The following INTS15 variants were observed in gnomAD, a reference collection of about 807,000 sequenced individuals.
INTS15 encodes integrator complex subunit 15.
At chr7:6,608,506 C>A in the INTS15 span, 1 of 1,179,734 alleles carries the variant, frequency 8.5e-7, no homozygotes, top group Non-Finnish European at 1.1e-6. Context: ...GTGTGTCTGG[C>A]CTCTTTCCTC....
chr7:6,592,576 A>G, the INTS15 span, among the ~76,000 whole-genome samples: 3 of 151,184 alleles, frequency 2.0e-5, no homozygotes, highest in African/African-American at 7.3e-5. Context: ...CAAAAAAAAA[A>G]CTTTTTTTTT....
At chr7:6,593,998 T>A in the INTS15 span, among the ~76,000 whole-genome samples, 71 of 124,090 alleles carry the variant, frequency 5.7e-4, no homozygotes, top group East Asian at 0.012. Flanking sequence ...TGTAAGCCTT[T>A]AACTTTTTTT....
At chr7:6,594,191 A>G in the INTS15 span, among the ~76,000 whole-genome samples, 1 of 150,580 alleles carries the variant, frequency 6.6e-6, no homozygotes, top group African/African-American at 2.4e-5. Context: ...TATTTTTAGT[A>G]GAGACGAGTT....
At chr7:6,604,264 G>A in the INTS15 span, among the ~76,000 whole-genome samples, 1 of 152,104 alleles carries the variant, frequency 6.6e-6, no homozygotes, top group Non-Finnish European at 1.5e-5. Flanking sequence ...CACAAAAAAT[G>A]TTTCATACCG....
the INTS15 span, among the ~76,000 whole-genome samples, chr7:6,590,929 C>G: frequency 6.6e-6 from 1 of 151,636 alleles, no homozygotes; most frequent in Admixed American, 6.6e-5. Flanking sequence ...ACCTTGAACT[C>G]CTGGGCTCAA....
chr7:6,608,273 C>A, the INTS15 span: 3 of 1,473,058 alleles, frequency 2.0e-6, no homozygotes, highest in South Asian at 1.3e-5. Context: ...AGCCCCTCCC[C>A]GCCGGCAGAA....
the INTS15 span, among the ~76,000 whole-genome samples, chr7:6,604,427 A>G: frequency 6.6e-6 from 1 of 152,318 alleles, no homozygotes; most frequent in East Asian, 1.9e-4. Flanking sequence ...GATAGTGGAA[A>G]GCAGAACCCC....
chr7:6,590,855 T>C, the INTS15 span, among the ~76,000 whole-genome samples: 4 of 152,198 alleles, frequency 2.6e-5, no homozygotes, highest in Admixed American at 6.5e-5. Flanking sequence ...TTTTTTTTTT[T>C]CGAGACAAGG....
chr7:6,591,386 C>A, the INTS15 span, among the ~76,000 whole-genome samples: 1 of 151,608 alleles, frequency 6.6e-6, no homozygotes, highest in African/African-American at 2.4e-5. Context: ...CCTGCCTAAG[C>A]CTCCCGAGTA....
chr7:6,594,644 A>G, the INTS15 span: 9 of 1,589,464 alleles, frequency 5.7e-6, no homozygotes, highest in South Asian at 4.4e-5. Context: ...GCTTCAGTCA[A>G]TGGCTAGTTT....
At chr7:6,607,000 A>G in the INTS15 span, among the ~76,000 whole-genome samples, 2 of 152,126 alleles carry the variant, frequency 1.3e-5, no homozygotes, top group African/African-American at 4.8e-5. Context: ...GACCCGGCCA[A>G]GAGAGGTTCT....
the INTS15 span, among the ~76,000 whole-genome samples, chr7:6,594,942 G>A: frequency 1.3e-5 from 2 of 151,962 alleles, no homozygotes; most frequent in African/African-American, 2.4e-5. Context: ...TGGCCAGGCC[G>A]ATCTCAAACC....
the INTS15 span, chr7:6,591,524 A>C: frequency 2.5e-6 from 2 of 809,418 alleles, no homozygotes; most frequent in Non-Finnish European, 4.1e-6. Flanking sequence ...TTGGCCTCCC[A>C]AAGTGCTGGG....
chr7:6,608,022 G>A, the INTS15 span: 152 of 1,600,344 alleles, frequency 9.5e-5, no homozygotes, highest in Non-Finnish European at 1.2e-4. Context: ...CTCCCCCCGG[G>A]GTTCTACCCC....
chr7:6,591,936 C>G, the INTS15 span: 6 of 1,439,360 alleles, frequency 4.2e-6, no homozygotes, highest in South Asian at 7.0e-5. Flanking sequence ...CTTTGGGAAG[C>G]TGAGGTGGGC....
chr7:6,593,987 G>A, the INTS15 span, among the ~76,000 whole-genome samples: 3 of 142,428 alleles, frequency 2.1e-5, no homozygotes, highest in Middle Eastern at 7.2e-3. Context: ...CCCTGCTTCA[G>A]TGTAAGCCTT....
chr7:6,593,957 G>T, the INTS15 span, among the ~76,000 whole-genome samples: 1 of 145,918 alleles, frequency 6.9e-6, no homozygotes, highest in Non-Finnish European at 1.5e-5. Context: ...AGCCTGGTCA[G>T]TGAGCTTCAG....
the INTS15 span, chr7:6,599,967 T>C: frequency 6.2e-7 from 1 of 1,614,106 alleles, no homozygotes; most frequent in Non-Finnish European, 8.5e-7. Context: ...CTCACCCCGC[T>C]CGTTGGATTG....
the INTS15 span, chr7:6,608,202 C>A: frequency 2.6e-6 from 4 of 1,535,218 alleles, no homozygotes; most frequent in Non-Finnish European, 3.5e-6. Context: ...CTGGACGAAG[C>A]CTTTCGAGAT....
Sources: allele counts gnomAD v4.1 joint callset (sites outside exome capture counted in the v4.1 genomes callset), GRCh38; gene constraint gnomAD v4.1.1; transcripts MANE v1.5; gene names NCBI Gene and HGNC (gene_info 2026-07-23, HGNC 2026-07-21).